TRDN: variants seen among roughly 807,000 people sequenced by gnomAD.
TRDN encodes the protein triadin in skeletal muscle.
A neutral mutation model predicts 149.7 loss-of-function variants in TRDN; 161 were observed. The observed-to-expected ratio is 1.08, with a 90% confidence interval of 0.95 to 1.23. The LOEUF is 1.23. Ranked by LOEUF, TRDN falls within the 50% of genes most tolerant of loss-of-function variation. TRDN has a pLI of 0.00. For synonymous variants in TRDN, 294 were observed against 250.5 expected, an observed-to-expected ratio of 1.17 and a Z score of -1.64; for missense variants, 896 against 823.5, an observed-to-expected ratio of 1.09 and a Z score of -1.08.
At chr6:123,489,085 A>G (rs897810820) in intron 9 of TRDN, among the ~76,000 whole-genome samples, 3 of 152,060 alleles carry the variant, frequency 2.0e-5, no homozygotes, top group Non-Finnish European at 4.4e-5. Context: ...GTATATTTTT[A>G]TTCTAAATTT....
At chr6:123,289,146 T>C (rs1777910423) in intron 24 of TRDN, among the ~76,000 whole-genome samples, 1 of 146,908 alleles carries the variant, frequency 6.8e-6, no homozygotes, top group African/African-American at 2.5e-5. Context: ...GTTATATATA[T>C]TATATATAAT....
intron 8 of TRDN, 107 bp from the exon 9 acceptor site, chr6:123,497,359 G>A: frequency 4.4e-6 from 3 of 679,812 alleles, no homozygotes; most frequent in Non-Finnish European, 6.8e-6. Flanking sequence ...ATTCTATTTT[G>A]GTTACTACAA....
At chr6:123,559,062 CTG>C (rs1562388165) in intron 2 of TRDN, among the ~76,000 whole-genome samples, 1 of 152,182 alleles carries the variant, frequency 6.6e-6, no homozygotes, top group African/African-American at 2.4e-5. Context: ...CCAAGGCTCT[CTG>C]ACTGACTCCT....
rs1775007758 is a variant in TRDN at position 123,217,770 on chromosome 6, G to A, written c.*831C>T. On this transcript the variant is annotated 3_prime_UTR_variant, in exon 41 of 41. Coordinates refer to ENST00000334268, the MANE Select transcript of TRDN (RefSeq NM_006073.4). ...TTTTTATATTTGTCACCCAAATTTAGTGATTGATCTAAAATTTCACCCAGG... is the reference window on the plus strand; with the variant it reads ...TTTTTATATTTGTCACCCAAATTTAATGATTGATCTAAAATTTCACCCAGG... 1 of 151,992 alleles carries A rather than the reference G, an allele frequency of 6.6e-6. No homozygotes were observed. Among genetic ancestry groups the A allele is most frequent in the East Asian group, 1.9e-4 (1 of 5,158 alleles). 9.4% of individuals were successfully genotyped at this position (151,992 alleles called of 1,614,324 possible).
chr6:123,301,382 A>C (rs552979495), intron 24 of TRDN, among the ~76,000 whole-genome samples: 86 of 152,018 alleles, frequency 5.7e-4, no homozygotes, highest in African/African-American at 2.0e-3. Flanking sequence ...CATGTGAGTA[A>C]GGTCATTGAT....
intron 6 of TRDN, among the ~76,000 whole-genome samples, chr6:123,513,879 T>A (rs1327404991): frequency 6.6e-6 from 1 of 152,042 alleles, no homozygotes; most frequent in Admixed American, 6.6e-5. Context: ...TCTACCTAAC[T>A]GGAGTGTTTA....
chr6:123,235,554 T>G (rs1253210400), intron 38 of TRDN, among the ~76,000 whole-genome samples: 3 of 152,136 alleles, frequency 2.0e-5, no homozygotes, highest in Non-Finnish European at 4.4e-5. Context: ...TTAATTTTAT[T>G]TTTTAAGGTT....
intron 4 of TRDN, among the ~76,000 whole-genome samples, chr6:123,532,237 T>C (rs72980540): frequency 0.12 from 17,690 of 151,878 alleles, 1,171 homozygotes; most frequent in South Asian, 0.22. Context: ...ATAATTTTTA[T>C]ATGAATTACA....
intron 12 of TRDN, among the ~76,000 whole-genome samples, chr6:123,427,719 T>C (rs981540561): frequency 3.3e-5 from 5 of 152,178 alleles, no homozygotes; most frequent in African/African-American, 4.8e-5. Flanking sequence ...CTGATTTCCA[T>C]ATTACACATC....
intron 38 of TRDN, among the ~76,000 whole-genome samples, chr6:123,226,331 A>C (rs1341734584): frequency 6.6e-6 from 1 of 151,902 alleles, no homozygotes; most frequent in African/African-American, 2.4e-5. Flanking sequence ...TTGTGTAATA[A>C]GGTCCTATTA....
At chr6:123,364,052 T>A (rs1008912892) in intron 20 of TRDN, among the ~76,000 whole-genome samples, 1 of 152,220 alleles carries the variant, frequency 6.6e-6, no homozygotes, top group Non-Finnish European at 1.5e-5. Flanking sequence ...CACTTTCTTT[T>A]TCTGTATGTC....
At chr6:123,414,120 A>C (rs1773551659) in intron 12 of TRDN, among the ~76,000 whole-genome samples, 1 of 152,122 alleles carries the variant, frequency 6.6e-6, no homozygotes. Flanking sequence ...AATTAAGGTT[A>C]ATTTTACATG....
rs183725569 is a variant in TRDN at position 123,216,368 on chromosome 6, G to A, written c.*2233C>T. ...AAGATCTATAACTATTTTATTAGAC[G>A]GTAATATATAAACAAATGACAGTTC... On this transcript the variant is annotated 3_prime_UTR_variant, in exon 41 of 41. Transcript: ENST00000334268. The A allele has an allele frequency of 2.0e-5, 3 of 151,720 alleles. No individual in the cohort carries two copies. Among genetic ancestry groups the A allele is most frequent in the East Asian group, 2.0e-4 (1 of 5,128 alleles). 9.4% of individuals were successfully genotyped at this position (151,720 alleles called of 1,614,324 possible).
chr6:123,439,264 A>G (rs1774746117), intron 10 of TRDN, among the ~76,000 whole-genome samples: 1 of 152,236 alleles, frequency 6.6e-6, no homozygotes, highest in Admixed American at 6.5e-5. Flanking sequence ...TACTGTTTAC[A>G]AATAATGAAT....
intron 9 of TRDN, among the ~76,000 whole-genome samples, chr6:123,491,189 C>A (rs1778203967): frequency 7.0e-6 from 1 of 143,562 alleles, no homozygotes; most frequent in Non-Finnish European, 1.5e-5. Context: ...ATGAAGATGA[C>A]ATTTTCTTTT....
At chr6:123,257,369 T>C (rs1412061233) in intron 35 of TRDN, among the ~76,000 whole-genome samples, 1 of 152,206 alleles carries the variant, frequency 6.6e-6, no homozygotes, top group Non-Finnish European at 1.5e-5. Flanking sequence ...CAAGCCAATT[T>C]TCCCAACACC....
intron 27 of TRDN, among the ~76,000 whole-genome samples, chr6:123,274,161 T>C (rs369267519): frequency 6.6e-6 from 1 of 152,120 alleles, no homozygotes; most frequent in East Asian, 1.9e-4. Context: ...TTTCTCATAA[T>C]GATATGATGA....
At chr6:123,457,023 T>C (rs1776168514) in intron 10 of TRDN, among the ~76,000 whole-genome samples, 1 of 152,170 alleles carries the variant, frequency 6.6e-6, no homozygotes, top group Non-Finnish European at 1.5e-5. Context: ...TATGAGAAAA[T>C]TTGCTGACAC....
intron 27 of TRDN, among the ~76,000 whole-genome samples, 169 bp from the exon 28 acceptor site, chr6:123,273,532 T>C (rs930617888): frequency 6.6e-6 from 1 of 151,954 alleles, no homozygotes; most frequent in Admixed American, 6.6e-5. Flanking sequence ...AATGCTTATA[T>C]CTGGTAAAAC....
Sources: allele counts gnomAD v4.1 joint callset (sites outside exome capture counted in the v4.1 genomes callset), GRCh38; gene constraint gnomAD v4.1.1; transcripts MANE v1.5; gene names NCBI Gene and HGNC (gene_info 2026-07-23, HGNC 2026-07-21).